The following PHTF1 variants were observed in gnomAD, a reference collection of about 807,000 sequenced individuals.
PHTF1 encodes protein PHTF1.
PHTF1 carries 88 observed loss-of-function variants against 102.4 expected under a neutral mutation model. That is an observed-to-expected ratio of 0.86 (90% confidence interval 0.72 to 1.03). PHTF1 has a LOEUF of 1.03. Ranked by LOEUF, PHTF1 falls within the 50% of genes least tolerant of loss-of-function variation. The pLI is 0.00. For synonymous variants in PHTF1, 289 were observed against 305.2 expected, an observed-to-expected ratio of 0.95 and a Z score of 0.55; for missense variants, 814 against 909.5, an observed-to-expected ratio of 0.89 and a Z score of 1.35.
chr1:113,698,616 TATATACACACACACAC>T (rs1198784074), intron 17 of PHTF1, among the ~76,000 whole-genome samples: 7 of 114,058 alleles, frequency 6.1e-5, no homozygotes, highest in Non-Finnish European at 1.1e-4. Context: ...TTTATATATA[TATATACACACACACAC>T]ACACACACAC....
chr1:113,722,818 G>A (rs943576642), intron 7 of PHTF1, among the ~76,000 whole-genome samples: 8 of 151,398 alleles, frequency 5.3e-5, no homozygotes, highest in Non-Finnish European at 1.0e-4. Context: ...AGCTACTCGG[G>A]AGGCTGAGGC....
At chr1:113,710,613 AG>A (rs1650922937) in intron 10 of PHTF1, 138 bp from the exon 11 acceptor site, 3 of 647,678 alleles carry the variant, frequency 4.6e-6, no homozygotes, top group Non-Finnish European at 7.9e-6. Context: ...ATTTTTTCAC[AG>A]GGCTTCACGT....
At chr1:113,710,818 T>A (rs1348597737) in intron 10 of PHTF1, among the ~76,000 whole-genome samples, 3 of 139,014 alleles carry the variant, frequency 2.2e-5, no homozygotes, top group African/African-American at 9.1e-5. Flanking sequence ...ATATTTTTTT[T>A]TTTTTTTTGT....
intron 5 of PHTF1, among the ~76,000 whole-genome samples, chr1:113,735,623 T>C (rs1270204954): frequency 2.6e-5 from 4 of 152,094 alleles, no homozygotes; most frequent in African/African-American, 9.7e-5. Flanking sequence ...GAATACTCAA[T>C]AGCCACATAT....
At chr1:113,711,672 A>C in intron 10 of PHTF1, 74 bp downstream of exon 10, 1 of 1,130,206 alleles carries the variant, frequency 8.8e-7, no homozygotes, top group Middle Eastern at 2.2e-4. Flanking sequence ...ACTTTAGGGC[A>C]ACCAATAAAA....
intron 7 of PHTF1, among the ~76,000 whole-genome samples, chr1:113,723,095 CAT>C (rs1653247439): frequency 6.6e-6 from 1 of 151,776 alleles, no homozygotes; most frequent in Non-Finnish European, 1.5e-5. Context: ...ACCAAAGGAG[CAT>C]GGTAGTGGCA....
chr1:113,710,155 C>A, intron 11 of PHTF1, 99 bp downstream of exon 11: 1 of 826,908 alleles, frequency 1.2e-6, no homozygotes, highest in East Asian at 2.6e-5. Context: ...ATAGTATCTA[C>A]CCTACAGGAT....
intron 7 of PHTF1, 70 bp downstream of exon 7, chr1:113,724,688 CT>C: frequency 8.1e-7 from 1 of 1,241,006 alleles, no homozygotes; most frequent in Non-Finnish European, 1.1e-6. Flanking sequence ...CTACTTACTC[CT>C]ATGGCCTGAT....
chr1:113,743,448 T>C (rs1297156479), intron 3 of PHTF1, among the ~76,000 whole-genome samples: 1 of 152,190 alleles, frequency 6.6e-6, no homozygotes, highest in East Asian at 1.9e-4. Flanking sequence ...TACCTGAGAC[T>C]GTTTTACAGT....
chr1:113,708,896 G>A (rs1021280140), intron 11 of PHTF1, among the ~76,000 whole-genome samples: 1 of 152,150 alleles, frequency 6.6e-6, no homozygotes, highest in African/African-American at 2.4e-5. Context: ...ATGTAATTTA[G>A]ATGAATCTTC....
At chr1:113,739,503 A>G (rs191021348) in intron 3 of PHTF1, among the ~76,000 whole-genome samples, 1 of 152,324 alleles carries the variant, frequency 6.6e-6, no homozygotes, top group East Asian at 1.9e-4. Flanking sequence ...GTAGAATGTG[A>G]TATTTCAATA....
At chr1:113,739,196 TTCTC>T (rs1655971936) in intron 3 of PHTF1, among the ~76,000 whole-genome samples, 1 of 152,196 alleles carries the variant, frequency 6.6e-6, no homozygotes, top group East Asian at 1.9e-4. Flanking sequence ...ACATTTCTTT[TTCTC>T]TATATCTGAT....
chr1:113,753,252 A>G (rs536829300), intron 3 of PHTF1, among the ~76,000 whole-genome samples: 18 of 152,272 alleles, frequency 1.2e-4, no homozygotes, highest in South Asian at 8.3e-4. Flanking sequence ...GTTTCAGGGT[A>G]ATACTAGTCT....
At chr1:113,698,152 AACACACACAC>A (rs59861045) in intron 18 of PHTF1, 100 bp downstream of exon 18, 45,924 of 539,454 alleles carry the variant, frequency 0.085, 315 homozygotes, top group South Asian at 0.1. Flanking sequence ...GCATGCTAGA[AACACACACAC>A]ACACACACAC....
At chr1:113,720,042 C>T (rs2101332419) in intron 7 of PHTF1, among the ~76,000 whole-genome samples, 1 of 152,180 alleles carries the variant, frequency 6.6e-6, no homozygotes, top group East Asian at 1.9e-4. Flanking sequence ...AAAGACCAGC[C>T]CCATGATTCA....
At chr1:113,729,986 C>T (rs1009256002) in intron 5 of PHTF1, among the ~76,000 whole-genome samples, 3 of 152,192 alleles carry the variant, frequency 2.0e-5, no homozygotes, top group Admixed American at 2.0e-4. Flanking sequence ...TATACCTCTC[C>T]TCTCATTTAT....
chr1:113,706,043 C>T lies in PHTF1; in HGVS notation c.1518G>A (p.Lys506=), dbSNP rs766266692. The change falls in exon 13 of 19, where the codon AAG becomes AAA. Residue 506 remains lysine, a synonymous_variant. Transcript: ENST00000369604. ...LFREKSLDQL[K]SISAEEILTL... Reference sequence around the variant, plus strand: ...TCAAGATCTCCTCAGCTGAAATGGACTTTAGTTGGTCAAGGCTCTTCTCAC... The same window carrying T: ...TCAAGATCTCCTCAGCTGAAATGGATTTTAGTTGGTCAAGGCTCTTCTCAC... The T allele has an allele frequency of 3.7e-6, 6 of 1,613,984 alleles. No homozygotes were observed. The highest frequency in any genetic ancestry group is 5.1e-6 in the Non-Finnish European group (6 of 1,179,998).
In PHTF1 at chr1:113,737,250, CAAAA is replaced by C. The variant is rs1029920218; in HGVS notation, c.331+856_331+859del. Reference sequence around the variant, plus strand: ...ATAGTATCATTTAATGAACTGGAGACAAAAAGAAGAACAAGTTTACACACACAGG... The same window carrying C: ...ATAGTATCATTTAATGAACTGGAGACAGAAGAACAAGTTTACACACACAGG... On this transcript the variant is annotated intron_variant, in intron 5 of 18. Transcript: ENST00000369604. 2.0e-5 allele frequency among the ~76,000 whole-genome samples: 3 copies of C among 152,232 alleles called. No individual in the cohort carries two copies. The South Asian group carries it at 6.2e-4, about 32-fold the overall frequency.
chr1:113,731,532 AT>A (rs796582856), intron 5 of PHTF1, among the ~76,000 whole-genome samples: 1,846 of 150,632 alleles, frequency 0.012, 49 homozygotes, highest in African/African-American at 0.042. Context: ...CCCCGTCTCT[AT>A]TTTAAAAAAA....
Sources: gnomAD v4.1 joint callset for allele counts (sites outside exome capture counted in the v4.1 genomes callset) on GRCh38, gnomAD v4.1.1 for gene constraint, MANE v1.5 for transcripts, NCBI Gene and HGNC (gene_info 2026-07-23, HGNC 2026-07-21) for gene names.